The following ADAD1 variants were observed in gnomAD, a reference collection of about 807,000 sequenced individuals.
The protein encoded by ADAD1 is adenosine deaminase domain-containing protein 1.
Under a neutral mutation model 66.8 loss-of-function variants are expected in ADAD1, and 46 were observed. The observed-to-expected ratio is 0.69, with a 90% CI of 0.54 to 0.88. The LOEUF (loss-of-function observed/expected upper bound fraction) is 0.88, where lower values mean the gene tolerates loss of function less well. ADAD1 is among the 40% of genes least tolerant of loss of function. The probability of loss-of-function intolerance (pLI) is 0.00; values close to 1 mark genes in which losing one functional copy is unlikely to be tolerated. For synonymous variants in ADAD1, 248 were observed against 229.4 expected (o/e 1.08, Z -0.73); for missense variants, 617 against 681.8 (o/e 0.91, Z 1.06).
chr4:122,415,280 T>C, intron 10 of ADAD1, 99 bp from the exon 11 acceptor site: 1 of 907,896 alleles, frequency 1.1e-6, no homozygotes, highest in Non-Finnish European at 1.7e-6. Context: ...AGATAAAGGA[T>C]AGAGAAATGG....
intron 8 of ADAD1, among the ~76,000 whole-genome samples, chr4:122,409,432 G>A (rs983629164): frequency 1.8e-4 from 27 of 151,492 alleles, no homozygotes; most frequent in African/African-American, 5.1e-4. Flanking sequence ...TGTTTATAGC[G>A]TTCATAAGCT....
intron 2 of ADAD1, 80 bp from the exon 3 acceptor site, chr4:122,379,982 G>C: frequency 5.1e-6 from 7 of 1,362,256 alleles, no homozygotes; most frequent in Non-Finnish European, 6.9e-6. Context: ...GAAATAATGG[G>C]GGGGTGGGGT....
intron 8 of ADAD1, 23 bp from the exon 9 acceptor site, chr4:122,411,199 C>A: frequency 6.5e-7 from 1 of 1,545,372 alleles, no homozygotes; most frequent in Non-Finnish European, 8.8e-7. Flanking sequence ...TATTACTTGA[C>A]AAAATTATAA....
intron 12 of ADAD1, among the ~76,000 whole-genome samples, chr4:122,425,243 A>G (rs897851129): frequency 4.6e-5 from 7 of 152,112 alleles, no homozygotes; most frequent in Non-Finnish European, 8.8e-5. Context: ...ACAGCAGAAT[A>G]TATGTTCTTT....
chr4:122,425,887 T>A (rs896131777), intron 12 of ADAD1, among the ~76,000 whole-genome samples: 1 of 152,050 alleles, frequency 6.6e-6, no homozygotes, highest in Non-Finnish European at 1.5e-5. Context: ...CTTTAAATGC[T>A]TGTGTTAGAA....
At chr4:122,388,131 GT>G (rs1795264288) in intron 5 of ADAD1, among the ~76,000 whole-genome samples, 3 of 152,130 alleles carry the variant, frequency 2.0e-5, no homozygotes, top group Non-Finnish European at 4.4e-5. Flanking sequence ...TAGTCATGTG[GT>G]TTTTGTCTTT....
intron 7 of ADAD1, among the ~76,000 whole-genome samples, chr4:122,399,640 A>G (rs1795877356): frequency 2.0e-5 from 3 of 150,838 alleles, no homozygotes; most frequent in Admixed American, 2.0e-4. Context: ...AGGTGTTTCC[A>G]TTTGTTTCTG....
At chr4:122,394,876 G>A (rs192306509) in intron 6 of ADAD1, among the ~76,000 whole-genome samples, 16 of 152,270 alleles carry the variant, frequency 1.1e-4, no homozygotes, top group Admixed American at 3.9e-4. Context: ...CTTAGGTCAG[G>A]AGACATATCT....
intron 9 of ADAD1, among the ~76,000 whole-genome samples, chr4:122,411,940 A>G (rs1388963253): frequency 6.6e-6 from 1 of 152,168 alleles, no homozygotes; most frequent in Non-Finnish European, 1.5e-5. Context: ...ACTCACATAC[A>G]AATACGAGAG....
intron 7 of ADAD1, among the ~76,000 whole-genome samples, chr4:122,397,139 A>G (rs1580760330): frequency 6.6e-6 from 1 of 152,212 alleles, no homozygotes; most frequent in Non-Finnish European, 1.5e-5. Context: ...AGAAAACTGC[A>G]GGACAATGAG....
At chr4:122,427,502 T>C (rs1797297533) in intron 12 of ADAD1, among the ~76,000 whole-genome samples, 2 of 151,206 alleles carry the variant, frequency 1.3e-5, no homozygotes. Context: ...GATTGTGAAA[T>C]TGATATGGAA....
chr4:122,383,661 AC>A (rs1341262356), intron 4 of ADAD1, 137 bp from the exon 5 acceptor site: 1 of 950,234 alleles, frequency 1.1e-6, no homozygotes, highest in African/African-American at 1.7e-5. Context: ...TATTGGTCCT[AC>A]AAAAGGACTT....
chr4:122,412,642 C>T lies in ADAD1; in HGVS notation c.1082C>T (p.Ala361Val). ...AATGAAGAACTCTGTCTCCACGTGG[C>T]TGTTGAAGGCAAAATTTATCTGACT... The part of the protein sequence containing the change: ...EANEELCLHV[A>V]VEGKIYLTVY... The change falls in exon 10 of 13, where the codon GCT becomes GTT. Residue 361 changes from alanine (A) to valine (V), a missense_variant. By Grantham distance (64) the Ala-to-Val change is moderately conservative. Transcript: ENST00000296513. 1.2e-6 allele frequency: 2 copies of T among 1,613,852 alleles called. No homozygotes were observed. Among genetic ancestry groups the T allele is most frequent in the African/African-American group, 2.7e-5 (2 of 75,022 alleles).
In ADAD1 at chr4:122,407,180, C is replaced by T. The variant is rs77466970; in HGVS notation, c.725-728C>T. On this transcript the variant is annotated intron_variant, in intron 7 of 12. Transcript: ENST00000296513. ...GTAGAACTGAACTTTGTTTGAAAAACGAAAACTCAAGATTTCCTGAAGTAA... is the reference window on the plus strand; with the variant it reads ...GTAGAACTGAACTTTGTTTGAAAAATGAAAACTCAAGATTTCCTGAAGTAA... Among the ~76,000 whole-genome samples the T allele has an allele frequency of 9.3e-3, 1,410 of 151,606 alleles. 3 individuals are homozygous for T. Among genetic ancestry groups the T allele is most frequent in the Non-Finnish European group, 0.015 (989 of 67,912 alleles).
intron 4 of ADAD1, among the ~76,000 whole-genome samples, chr4:122,382,689 G>A (rs748149182): frequency 1.3e-5 from 2 of 152,146 alleles, no homozygotes; most frequent in Non-Finnish European, 2.9e-5. Context: ...AAAGTGATGG[G>A]ATTATGAGTG....
At chr4:122,396,142 G>T in intron 6 of ADAD1, 110 bp from the exon 7 acceptor site, 2 of 928,416 alleles carry the variant, frequency 2.2e-6, no homozygotes, top group East Asian at 6.9e-5. Flanking sequence ...TTTGCTTACA[G>T]ATGTCTATAT....
At chr4:122,390,196 C>T (rs1314204955) in intron 5 of ADAD1, among the ~76,000 whole-genome samples, 2 of 152,156 alleles carry the variant, frequency 1.3e-5, no homozygotes, top group African/African-American at 4.8e-5. Context: ...CCCAATCTCT[C>T]CTGGCTAGCA....
chr4:122,404,686 A>G (rs908385456), intron 7 of ADAD1, among the ~76,000 whole-genome samples: 1 of 152,104 alleles, frequency 6.6e-6, no homozygotes. Flanking sequence ...TGGAAGCTGC[A>G]TGTTAGTCCT....
intron 3 of ADAD1, 62 bp downstream of exon 3, chr4:122,380,303 G>A: frequency 6.5e-7 from 1 of 1,528,128 alleles, no homozygotes; most frequent in Non-Finnish European, 8.8e-7. Flanking sequence ...TGGCCAGTAA[G>A]TTCTGTCGAG....
Sources: gnomAD v4.1 joint callset for allele counts (sites outside exome capture counted in the v4.1 genomes callset) on GRCh38, gnomAD v4.1.1 for gene constraint, MANE v1.5 for transcripts, NCBI Gene and HGNC (gene_info 2026-07-23, HGNC 2026-07-21) for gene names.